The following ZHX3 variants were observed in gnomAD, a reference collection of about 807,000 sequenced individuals.
ZHX3 encodes zinc fingers and homeoboxes protein 3.
In ZHX3, 20 loss-of-function variants were observed where a neutral mutation model predicts 64.5. The ratio of observed to expected loss-of-function variants is 0.31; its 90% confidence interval spans 0.22 to 0.45. ZHX3 has a LOEUF of 0.45. Among genes scored for constraint, ZHX3 ranks in the 20% least tolerant of loss-of-function variants. The pLI is 1.00. For missense variants in ZHX3, 1,041 were observed against 1,195.8 expected (o/e 0.87, Z 1.91); for synonymous variants, 423 against 461.6 (o/e 0.92, Z 1.07).
At position 41,304,988 on chromosome 20, in the gene ZHX3, G is replaced by A. The variant is rs977129679; in HGVS notation, c.-245+12521C>T. ...GGGGCATTCATTTGCCAGAATTACC[G>A]CATCACTACACCCATGACTGAACAA... On this transcript the variant is annotated intron_variant, in intron 1 of 3. Transcript: ENST00000683867. Among the ~76,000 whole-genome samples, 9 of 152,230 alleles carry A rather than the reference G, an allele frequency of 5.9e-5. No homozygotes were observed. In the South Asian group the frequency reaches 6.2e-4, roughly 11 times the overall value.
Position 41,201,461 on chromosome 20 carries a change from A to T in ZHX3, c.2860+596T>A. ...TCTTAAATAAAAATAATCTTCTATG[A>T]TACATTTTGCTTTCGAGTACAATCC... On this transcript the variant is annotated intron_variant, in intron 3 of 3. Coordinates refer to ENST00000683867, the MANE Select transcript of ZHX3 (RefSeq NM_001384317.1). The surrounding 1 kb of genome is among the most constrained non-coding windows in gnomAD (Gnocchi z 5.0). The T allele has an allele frequency of 1.7e-6, 2 of 1,155,844 alleles. No individual in the cohort carries two copies. Among genetic ancestry groups the T allele is most frequent in the Non-Finnish European group, 2.3e-6 (2 of 859,684 alleles). 71.6% of individuals were successfully genotyped at this position (1,155,844 alleles called of 1,614,324 possible).
intron 1 of ZHX3, among the ~76,000 whole-genome samples, chr20:41,284,156 C>T (rs910165649): frequency 1.3e-5 from 2 of 152,236 alleles, no homozygotes; most frequent in South Asian, 4.1e-4. Flanking sequence ...ACGCCTATTA[C>T]CTAATTACTT....
At chr20:41,282,359 A>ATTTTTTTTTTTTT (rs1442916638) in intron 1 of ZHX3, among the ~76,000 whole-genome samples, 9 of 60,692 alleles carry the variant, frequency 1.5e-4, no homozygotes, top group Non-Finnish European at 2.5e-4. Context: ...GACACAATTC[A>ATTTTTTTTTTTTT]TCTTTTTTTT....
chr20:41,190,355 G>A (rs960827785), intron 3 of ZHX3, among the ~76,000 whole-genome samples: 1 of 152,078 alleles, frequency 6.6e-6, no homozygotes. Context: ...TGTATTTTTA[G>A]AGATAGGGTT....
chr20:41,188,521 C>T (rs1319215360), intron 3 of ZHX3: 1 of 151,636 alleles, frequency 6.6e-6, no homozygotes, highest in Non-Finnish European at 1.5e-5. Flanking sequence ...CTGATCCCCC[C>T]ACTTCAGCCT....
In ZHX3 at chr20:41,219,603, A is replaced by C. The variant is rs1446031409; in HGVS notation, c.-150-14537T>G. 1.3e-5 allele frequency among the ~76,000 whole-genome samples: 2 copies of C among 152,268 alleles called. No homozygotes were observed. The highest frequency in any genetic ancestry group is 2.9e-5 in the Non-Finnish European group (2 of 68,056). ...GCTAAATTTGTTTTTTCTCTCAAAT[A>C]GAGTTGAGGACTTACTATGTGCTAG... On this transcript the variant is annotated intron_variant, in intron 2 of 3. Coordinates refer to ENST00000683867, the MANE Select transcript of ZHX3 (RefSeq NM_001384317.1). The surrounding 1 kb of genome is among the most constrained non-coding windows in gnomAD (Gnocchi z 5.0).
At chr20:41,214,435 C>G (rs1033140740) in intron 2 of ZHX3, among the ~76,000 whole-genome samples, 5 of 152,224 alleles carry the variant, frequency 3.3e-5, no homozygotes, top group African/African-American at 1.2e-4. Context: ...AGTCTCGCTC[C>G]AGAGCCTGCA....
At chr20:41,234,437 A>G (rs1423025526) in intron 2 of ZHX3, among the ~76,000 whole-genome samples, 1 of 152,116 alleles carries the variant, frequency 6.6e-6, no homozygotes, top group East Asian at 1.9e-4. Context: ...TATCCTCCTT[A>G]CCTTGGTTCA....
chr20:41,215,645 C>T (rs1351451420), intron 2 of ZHX3, among the ~76,000 whole-genome samples: 1 of 151,694 alleles, frequency 6.6e-6, no homozygotes, highest in African/African-American at 2.4e-5. Context: ...TCATTAAAAA[C>T]GGAAATAGGC....
At chr20:41,223,582 C>T (rs931849426) in intron 2 of ZHX3, among the ~76,000 whole-genome samples, 9 of 152,104 alleles carry the variant, frequency 5.9e-5, no homozygotes, top group South Asian at 2.1e-4. Context: ...AAAAATTATA[C>T]GCTAGAAATA....
At chr20:41,216,819 TA>T (rs1389951539) in intron 2 of ZHX3, among the ~76,000 whole-genome samples, 2 of 152,262 alleles carry the variant, frequency 1.3e-5, no homozygotes, top group Non-Finnish European at 2.9e-5. Flanking sequence ...TTTTCGCTGT[TA>T]CCACCAAAGA....
intron 2 of ZHX3, among the ~76,000 whole-genome samples, chr20:41,233,573 A>G (rs1180992683): frequency 6.6e-6 from 1 of 152,230 alleles, no homozygotes; most frequent in East Asian, 1.9e-4. Context: ...CTAGGTGAAT[A>G]AAACATATGC....
At chr20:41,238,982 T>C (rs2041196112) in intron 2 of ZHX3, among the ~76,000 whole-genome samples, 2 of 149,720 alleles carry the variant, frequency 1.3e-5, no homozygotes, top group Admixed American at 6.7e-5. Flanking sequence ...CAAGGGCCTA[T>C]TTTCTCTCTC....
intron 2 of ZHX3, among the ~76,000 whole-genome samples, chr20:41,250,262 G>A (rs1433743602): frequency 6.6e-6 from 1 of 152,188 alleles, no homozygotes; most frequent in Admixed American, 6.5e-5. Flanking sequence ...GTAAATCATC[G>A]TTGGAACCAC....
chr20:41,299,652 A>G (rs2044716552), intron 1 of ZHX3, among the ~76,000 whole-genome samples: 1 of 152,156 alleles, frequency 6.6e-6, no homozygotes, highest in Non-Finnish European at 1.5e-5. Flanking sequence ...ACTTGAGGTC[A>G]TGAGTTCGAG....
intron 1 of ZHX3, among the ~76,000 whole-genome samples, chr20:41,314,826 A>C (rs751127769): frequency 6.6e-6 from 1 of 152,222 alleles, no homozygotes; most frequent in Non-Finnish European, 1.5e-5. Flanking sequence ...ATATGAATAG[A>C]TGGATAATGA....
Position 41,202,823 on chromosome 20 carries a change from A to G in ZHX3, c.2094T>C (p.Ser698=). ...EDEGGEEDLA[S]ELRVSGENGS... The stretch of plus-strand genomic sequence containing the variant: ...CATTTTCACCAGAGACCCTTAGCTC[A>G]CTGGCCAAATCCTCTTCTCCACCCT... The change falls in exon 3 of 4, where the codon AGT becomes AGC. Residue 698 remains serine, a synonymous_variant. Transcript: ENST00000683867. This position sits in a 1 kb window ranked among gnomAD's most constrained non-coding sequence, Gnocchi z 7.0. 1 of 1,614,048 alleles carries G rather than the reference A, an allele frequency of 6.2e-7. No homozygotes were observed. Among genetic ancestry groups the G allele is most frequent in the South Asian group, 1.1e-5 (1 of 91,064 alleles).
At chr20:41,248,287 T>C (rs1433313455) in intron 2 of ZHX3, among the ~76,000 whole-genome samples, 1 of 152,146 alleles carries the variant, frequency 6.6e-6, no homozygotes, top group Non-Finnish European at 1.5e-5. Flanking sequence ...TTTGCACCTG[T>C]GCCTGTCATA....
chr20:41,308,057 G>C (rs2045030437), intron 1 of ZHX3, among the ~76,000 whole-genome samples: 1 of 152,128 alleles, frequency 6.6e-6, no homozygotes, highest in Non-Finnish European at 1.5e-5. Context: ...AGCCTGCAAG[G>C]GTTCCTGAGC....
Sources: allele counts gnomAD v4.1 joint callset (sites outside exome capture counted in the v4.1 genomes callset), GRCh38; gene constraint gnomAD v4.1.1; non-coding constraint Gnocchi (gnomAD v3.1); transcripts MANE v1.5; gene names NCBI Gene and HGNC (gene_info 2026-07-23, HGNC 2026-07-21).